GABBR2: variants seen among roughly 807,000 people sequenced by gnomAD.
The protein encoded by GABBR2 is gamma-aminobutyric acid type B receptor subunit 2.
In GABBR2, 23 loss-of-function variants were observed where a neutral mutation model predicts 105.6. That is an observed-to-expected ratio of 0.22 (90% CI 0.16 to 0.31). The LOEUF (loss-of-function observed/expected upper bound fraction) is 0.31. GABBR2 is among the 10% of genes least tolerant of loss of function. The pLI, the probability that GABBR2 is intolerant of heterozygous loss-of-function variation, is 1.00. For missense variants in GABBR2, 734 were observed against 1,245.5 expected (o/e 0.59, Z 6.18); for synonymous variants, 478 against 499.7 (o/e 0.96, Z 0.58).
At chr9:98,413,942 G>C (rs1369945208) in intron 7 of GABBR2, among the ~76,000 whole-genome samples, 2 of 152,232 alleles carry the variant, frequency 1.3e-5, no homozygotes, top group Non-Finnish European at 2.9e-5. Context: ...CGGGAAAAGT[G>C]AAGTAAATTT....
intron 2 of GABBR2, among the ~76,000 whole-genome samples, chr9:98,558,688 C>G (rs1051315232): frequency 6.6e-6 from 1 of 152,198 alleles, no homozygotes; most frequent in Admixed American, 6.5e-5. Context: ...CCAGGACGCC[C>G]ACAGCCACTC....
At chr9:98,560,663 C>G (rs1479166696) in intron 2 of GABBR2, among the ~76,000 whole-genome samples, 2 of 150,944 alleles carry the variant, frequency 1.3e-5, no homozygotes, top group African/African-American at 2.4e-5. Context: ...GAAGTTGAAA[C>G]AATAGCATGA....
chr9:98,611,972 G>A (rs958883654), intron 1 of GABBR2, among the ~76,000 whole-genome samples: 1 of 152,286 alleles, frequency 6.6e-6, no homozygotes, highest in African/African-American at 2.4e-5. Context: ...GTGGAGAACA[G>A]GCCTGCTCAG....
Position 98,635,635 on chromosome 9 carries a change from A to G in GABBR2, c.322-57563T>C, listed in dbSNP as rs1335512781. ...CAGGCTTCTAGAAAGAGGTGTCTGT[A>G]GGTTGGGTCTTTAAGTCAGATGTGA... On this transcript the variant is annotated intron_variant, in intron 1 of 18. Transcript: ENST00000259455. Among the ~76,000 whole-genome samples, 7 of 152,200 alleles carry G rather than the reference A, an allele frequency of 4.6e-5. No homozygotes were observed. In the East Asian group the frequency reaches 1.3e-3, roughly 29 times the overall value.
At chr9:98,550,196 G>A (rs937759032) in intron 2 of GABBR2, among the ~76,000 whole-genome samples, 7 of 152,174 alleles carry the variant, frequency 4.6e-5, no homozygotes, top group Non-Finnish European at 8.8e-5. Flanking sequence ...CAACCCTGTG[G>A]CAGGTGCCGT....
intron 13 of GABBR2, among the ~76,000 whole-genome samples, chr9:98,362,008 CAG>C (rs1483940694): frequency 3.9e-5 from 6 of 152,254 alleles, no homozygotes; most frequent in African/African-American, 1.4e-4. Flanking sequence ...GTGAGAGAAA[CAG>C]AGATTCTTAT....
At position 98,288,437 on chromosome 9, in the gene GABBR2, G is replaced by A. The variant is rs1002494723; in HGVS notation, c.*2147C>T. 6.6e-6 allele frequency: 1 copy of A among 152,576 alleles called. No homozygotes were observed. The highest frequency in any genetic ancestry group is 6.5e-5 in the Admixed American group (1 of 15,272). 9.5% of individuals were successfully genotyped at this position (152,576 alleles called of 1,614,324 possible). Reference sequence around the variant, plus strand: ...TGAGTTAACCTAGAAGACAGCGCACGCTCAGGAGTCACAAAGGGTTACAGA... The same window carrying A: ...TGAGTTAACCTAGAAGACAGCGCACACTCAGGAGTCACAAAGGGTTACAGA... On this transcript the variant is annotated 3_prime_UTR_variant, in exon 19 of 19. Transcript: ENST00000259455.
intron 8 of GABBR2, among the ~76,000 whole-genome samples, chr9:98,395,884 G>C (rs112159829): frequency 1.3e-5 from 2 of 152,084 alleles, no homozygotes; most frequent in Non-Finnish European, 2.9e-5. Context: ...AGGGCTGGGG[G>C]TACTGACCGA....
At chr9:98,691,530 C>G (rs1830682565) in intron 1 of GABBR2, among the ~76,000 whole-genome samples, 1 of 152,238 alleles carries the variant, frequency 6.6e-6, no homozygotes, top group Non-Finnish European at 1.5e-5. Context: ...TCTTTGCCGA[C>G]AGCAAGGCTA....
At chr9:98,590,128 G>C (rs755679193) in intron 1 of GABBR2, among the ~76,000 whole-genome samples, 9 of 152,166 alleles carry the variant, frequency 5.9e-5, no homozygotes, top group Admixed American at 2.6e-4. Flanking sequence ...AATTACTGCT[G>C]CCTGGCAGAT....
At chr9:98,705,439 A>G (rs1830881382) in intron 1 of GABBR2, among the ~76,000 whole-genome samples, 1 of 152,244 alleles carries the variant, frequency 6.6e-6, no homozygotes, top group Non-Finnish European at 1.5e-5. Context: ...TCTGCAGATC[A>G]TATGGATAAA....
At chr9:98,577,228 A>ATGGATGGATGGTTAGGCGAATGGAT (rs769775744) in intron 2 of GABBR2, among the ~76,000 whole-genome samples, 1 of 151,242 alleles carries the variant, frequency 6.6e-6, no homozygotes, top group African/African-American at 2.4e-5. Flanking sequence ...GGATGGATGG[A>ATGGATGGATGGTTAGGCGAATGGAT]GCAAAAAAGT....
rs1280836854 is a variant in GABBR2, at chr9:98,581,504, A to G, written c.322-3432T>C. Among the ~76,000 whole-genome samples the G allele has an allele frequency of 3.4e-4, 21 of 61,236 alleles. 1 individual carries two copies. The highest frequency in any genetic ancestry group is 3.3e-3 in the Admixed American group (17 of 5,178). The allele number at this position is 61,236 out of a possible 152,430, so 40.2% of individuals were successfully genotyped here. Reference sequence around the variant, plus strand: ...AAGGAGGAAAGGAAGGAAGAGAGGGAGGGAGGGAGGGAGGGAGACAGGGAG... The same window carrying G: ...AAGGAGGAAAGGAAGGAAGAGAGGGGGGGAGGGAGGGAGGGAGACAGGGAG... On this transcript the variant is annotated intron_variant, in intron 1 of 18. Transcript: ENST00000259455.
At chr9:98,327,611 G>GCGCTGT (rs1830945640) in intron 13 of GABBR2, among the ~76,000 whole-genome samples, 1 of 152,048 alleles carries the variant, frequency 6.6e-6, no homozygotes, top group Non-Finnish European at 1.5e-5. Flanking sequence ...GCTGATGTCT[G>GCGCTGT]TAATCCCAGC....
In GABBR2 at chr9:98,617,999, A is replaced by G. The variant is rs188929145; in HGVS notation, c.322-39927T>C. Among the ~76,000 whole-genome samples the G allele has an allele frequency of 2.6e-5, 4 of 152,338 alleles. No individual in the cohort carries two copies. In the East Asian group the frequency reaches 7.7e-4, roughly 29 times the overall value. On this transcript the variant is annotated intron_variant, in intron 1 of 18. Coordinates refer to ENST00000259455, the MANE Select transcript of GABBR2 (RefSeq NM_005458.8). ...CCAATTGGCTTCTCTGTGAGGATAA[A>G]AAATGGGTACAGAAAAAGCTTAGCC...
chr9:98,586,905 G>A (rs79670705), intron 1 of GABBR2, among the ~76,000 whole-genome samples: 1,917 of 152,286 alleles, frequency 0.013, 26 homozygotes, highest in East Asian at 0.055. Context: ...TAAGCAAGAT[G>A]GTCGAATATT....
At chr9:98,356,527 T>A (rs1399121849) in intron 13 of GABBR2, among the ~76,000 whole-genome samples, 1 of 152,332 alleles carries the variant, frequency 6.6e-6, no homozygotes, top group Middle Eastern at 3.4e-3. Flanking sequence ...CAGGCAAGGA[T>A]GTGGAGCAAC....
chr9:98,373,424 CA>C (rs1736038887), intron 11 of GABBR2, among the ~76,000 whole-genome samples: 2 of 152,214 alleles, frequency 1.3e-5, no homozygotes, highest in Admixed American at 1.3e-4. Flanking sequence ...AACCATGCCA[CA>C]CAGCTCCAGA....
intron 6 of GABBR2, among the ~76,000 whole-genome samples, chr9:98,455,908 G>A (rs576643248): frequency 3.5e-4 from 54 of 152,258 alleles, no homozygotes; most frequent in African/African-American, 1.1e-3. Flanking sequence ...CCTGTTTCAG[G>A]GTCCTCCTGG....
Sources: gnomAD v4.1 joint callset for allele counts (sites outside exome capture counted in the v4.1 genomes callset) on GRCh38, gnomAD v4.1.1 for gene constraint, MANE v1.5 for transcripts, NCBI Gene and HGNC (gene_info 2026-07-23, HGNC 2026-07-21) for gene names.